The following SMYD3 variants were observed in gnomAD, a reference collection of about 807,000 sequenced individuals.
The protein encoded by SMYD3 is SET and MYND domain containing 3.
In SMYD3, 36 loss-of-function variants were observed where a neutral mutation model predicts 57.7. The ratio of observed to expected loss-of-function variants is 0.62; its 90% CI spans 0.48 to 0.82. The LOEUF (loss-of-function observed/expected upper bound fraction) is 0.82, where lower values mean the gene tolerates loss of function less well. Among genes scored for constraint, SMYD3 ranks in the 40% least tolerant of loss-of-function variants. SMYD3 has a pLI of 0.00. For missense variants in SMYD3, 515 were observed against 538.8 expected (o/e 0.96, Z 0.44); for synonymous variants, 211 against 195.0 (o/e 1.08, Z -0.68).
chr1:246,226,513 T>C (rs954525422), intron 5 of SMYD3, among the ~76,000 whole-genome samples: 1 of 152,208 alleles, frequency 6.6e-6, no homozygotes, highest in African/African-American at 2.4e-5. Flanking sequence ...TAGAATTGAT[T>C]TTTTGATGCT....
At position 246,202,466 on chromosome 1, in the gene SMYD3, C is replaced by G. The variant is rs2333994; in HGVS notation, c.531+124735G>C. On this transcript the variant is annotated intron_variant, in intron 5 of 11. Coordinates refer to ENST00000490107, the MANE Select transcript of SMYD3 (RefSeq NM_001167740.2). The surrounding 1 kb of genome is among the most constrained non-coding windows in gnomAD (Gnocchi z 4.1). The stretch of plus-strand genomic sequence containing the variant: ...GCAAACCCCAGGCTGGGCCTTGACT[C>G]TGCCTGCAAGAATTCAGCTGGAACC... Among the ~76,000 whole-genome samples, 30,109 of 152,142 alleles carry G rather than the reference C, an allele frequency of 0.2. 3,361 individuals are homozygous for G. The highest frequency in any genetic ancestry group is 0.35 in the East Asian group (1,777 of 5,148).
intron 1 of SMYD3, among the ~76,000 whole-genome samples, chr1:246,435,021 A>G (rs1409511676): frequency 6.6e-6 from 1 of 152,236 alleles, no homozygotes; most frequent in Non-Finnish European, 1.5e-5. Flanking sequence ...GGCAACATGG[A>G]AACAGCTGGA....
intron 5 of SMYD3, among the ~76,000 whole-genome samples, chr1:245,934,330 C>T (rs2056887702): frequency 6.6e-6 from 1 of 151,922 alleles, no homozygotes; most frequent in Non-Finnish European, 1.5e-5. Context: ...CCCCCGGCAC[C>T]CCGACTCCTA....
chr1:246,449,123 A>AG lies in SMYD3; in HGVS notation c.164+57930dup, dbSNP rs1239703733. On this transcript the variant is annotated intron_variant, in intron 1 of 11. Coordinates refer to ENST00000490107, the MANE Select transcript of SMYD3 (RefSeq NM_001167740.2). The stretch of plus-strand genomic sequence containing the variant: ...CACATGCCTGTAGTTCCAGCTACTC[A>AG]GGGGGGACTGAGATGGGAGAGTCAC... 5.9e-5 allele frequency among the ~76,000 whole-genome samples: 9 copies of AG among 152,204 alleles called. No individual in the cohort carries two copies. The East Asian group carries it at 1.2e-3, about 20-fold the overall frequency.
chr1:246,006,456 T>C (rs2059171121), intron 5 of SMYD3, among the ~76,000 whole-genome samples: 1 of 152,142 alleles, frequency 6.6e-6, no homozygotes, highest in Admixed American at 6.5e-5. Context: ...ACGGAACTCC[T>C]GGGTGATAAT....
Position 245,771,832 on chromosome 1 carries a change from A to AG in SMYD3, c.1077-7684dup, listed in dbSNP as rs1331022705. On this transcript the variant is annotated intron_variant, in intron 10 of 11. Coordinates refer to ENST00000490107, the MANE Select transcript of SMYD3 (RefSeq NM_001167740.2). ...AATATGATATATTTTTGTTGCTGGG[A>AG]GGGAAAAAAAAGGTCCTAACATCAG... 2.0e-5 allele frequency among the ~76,000 whole-genome samples: 3 copies of AG among 151,892 alleles called. No homozygotes were observed. In the East Asian group the frequency reaches 5.8e-4, roughly 29 times the overall value.
At chr1:245,795,287 C>T (rs2047476160) in intron 10 of SMYD3, among the ~76,000 whole-genome samples, 1 of 152,246 alleles carries the variant, frequency 6.6e-6, no homozygotes, top group South Asian at 2.1e-4. Context: ...TTCATGTCGA[C>T]CATCATTCCA....
chr1:245,848,234 G>T (rs2050765088), intron 10 of SMYD3, among the ~76,000 whole-genome samples: 1 of 151,866 alleles, frequency 6.6e-6, no homozygotes, highest in Non-Finnish European at 1.5e-5. Context: ...CCTCTGAGTA[G>T]CTGGAACTAT....
At chr1:246,033,552 G>A (rs1268251036) in intron 5 of SMYD3, among the ~76,000 whole-genome samples, 1 of 152,162 alleles carries the variant, frequency 6.6e-6, no homozygotes, top group Non-Finnish European at 1.5e-5. Context: ...TTGGGAGGCC[G>A]AGGCAGGCGG....
At chr1:245,792,939 G>A (rs533638908) in intron 10 of SMYD3, among the ~76,000 whole-genome samples, 1 of 152,262 alleles carries the variant, frequency 6.6e-6, no homozygotes, top group East Asian at 1.9e-4. Flanking sequence ...ACACTGTGCT[G>A]AAAGTAAGAA....
chr1:246,192,776 T>TA (rs976032794), intron 5 of SMYD3, among the ~76,000 whole-genome samples: 9 of 151,770 alleles, frequency 5.9e-5, no homozygotes, highest in East Asian at 1.9e-4. Context: ...CAACTATTAA[T>TA]AAAAAAAGAG....
At chr1:246,428,502 T>G (rs1456660862) in intron 1 of SMYD3, among the ~76,000 whole-genome samples, 2 of 152,270 alleles carry the variant, frequency 1.3e-5, no homozygotes, top group Admixed American at 1.3e-4. Flanking sequence ...TTTGTGTGTA[T>G]TAATCTATTT....
intron 8 of SMYD3, among the ~76,000 whole-genome samples, chr1:245,895,729 G>C (rs2053732897): frequency 6.6e-6 from 1 of 152,220 alleles, no homozygotes; most frequent in African/African-American, 2.4e-5. Flanking sequence ...CATAGCCCAG[G>C]TGATGTACAG....
rs112156421 is a variant in SMYD3 at position 246,045,930 on chromosome 1, A to T, written c.532-115993T>A. ...CAAATCAAAACCACAATGAGATACCATCTCACACCAGTTAGAATGGCGATC... is the reference window on the plus strand; with the variant it reads ...CAAATCAAAACCACAATGAGATACCTTCTCACACCAGTTAGAATGGCGATC... On this transcript the variant is annotated intron_variant, in intron 5 of 11. Transcript: ENST00000490107. Among the ~76,000 whole-genome samples, 84 of 152,346 alleles carry T rather than the reference A, an allele frequency of 5.5e-4. 1 individual carries two copies. Among genetic ancestry groups the T allele is most frequent in the African/African-American group, 2.0e-3 (82 of 41,580 alleles).
At chr1:245,832,533 TA>T (rs10714784) in intron 10 of SMYD3, among the ~76,000 whole-genome samples, 119,486 of 151,422 alleles carry the variant, frequency 0.79, 50,158 homozygotes, top group Non-Finnish European at 0.95. Context: ...TGATTATAAG[TA>T]ATATAGTTTT....
rs149999944 is a variant in SMYD3, at chr1:245,825,112, G to T, written c.1076+33384C>A. 6.3e-3 allele frequency among the ~76,000 whole-genome samples: 953 copies of T among 152,238 alleles called. 24 individuals are homozygous for T. The highest frequency in any genetic ancestry group is 0.022 in the African/African-American group (907 of 41,554). The stretch of plus-strand genomic sequence containing the variant: ...GAATGGACGTGTTACTCTCAGAGTA[G>T]ACCCCATAACAGCCACCCAGACACG... On this transcript the variant is annotated intron_variant, in intron 10 of 11. Transcript: ENST00000490107.
intron 1 of SMYD3, among the ~76,000 whole-genome samples, chr1:246,429,521 A>T (rs1251939417): frequency 3.3e-5 from 5 of 152,208 alleles, no homozygotes; most frequent in African/African-American, 1.2e-4. Flanking sequence ...GAGTTGTAAA[A>T]ATCCATAACT....
intron 2 of SMYD3, among the ~76,000 whole-genome samples, chr1:246,345,801 C>T (rs2065704433): frequency 6.6e-6 from 1 of 152,206 alleles, no homozygotes; most frequent in Admixed American, 6.5e-5. Flanking sequence ...CTGTCTGGCC[C>T]TAACACCCTA....
chr1:245,779,961 G>T (rs563127575), intron 10 of SMYD3, among the ~76,000 whole-genome samples: 1 of 152,268 alleles, frequency 6.6e-6, no homozygotes, highest in Admixed American at 6.5e-5. Flanking sequence ...AACGTGACTC[G>T]AAGCCAGTGT....
Sources: gnomAD v4.1 joint callset for allele counts (sites outside exome capture counted in the v4.1 genomes callset) on GRCh38, gnomAD v4.1.1 for gene constraint, Gnocchi (gnomAD v3.1) non-coding constraint, MANE v1.5 for transcripts, NCBI Gene and HGNC (gene_info 2026-07-23, HGNC 2026-07-21) for gene names.